The following GALNTL6 variants were observed in gnomAD, a reference collection of about 807,000 sequenced individuals.
The protein encoded by GALNTL6 is polypeptide N-acetylgalactosaminyltransferase like 6.
In GALNTL6, 46 loss-of-function variants were observed where a neutral mutation model predicts 73.7. That is an observed-to-expected ratio of 0.62 (90% CI 0.49 to 0.80). The LOEUF (loss-of-function observed/expected upper bound fraction) is 0.80. Ranked by LOEUF, GALNTL6 falls within the 30% of genes least tolerant of loss-of-function variation. The probability of loss-of-function intolerance (pLI) is 0.00; values close to 1 mark genes in which losing one functional copy is unlikely to be tolerated. For synonymous variants in GALNTL6, 259 were observed against 263.7 expected, an observed-to-expected ratio of 0.98 and a Z score of 0.17; for missense variants, 604 against 755.0, an observed-to-expected ratio of 0.80 and a Z score of 2.34.
intron 8 of GALNTL6, among the ~76,000 whole-genome samples, chr4:172,915,153 G>A (rs1441673749): frequency 1.3e-5 from 2 of 152,050 alleles, no homozygotes; most frequent in East Asian, 1.9e-4. Context: ...ATGACTACTG[G>A]GTACATAATG....
chr4:172,629,651 A>G (rs902098967), intron 5 of GALNTL6, among the ~76,000 whole-genome samples: 2 of 152,218 alleles, frequency 1.3e-5, no homozygotes, highest in African/African-American at 4.8e-5. Flanking sequence ...TGCTGCTTAT[A>G]CACCAACCAT....
chr4:172,242,043 C>CAA (rs535664550), intron 3 of GALNTL6, among the ~76,000 whole-genome samples: 225 of 152,088 alleles, frequency 1.5e-3, no homozygotes, highest in African/African-American at 5.3e-3. Context: ...ATTCAATATA[C>CAA]ATTGAGTATA....
intron 2 of GALNTL6, among the ~76,000 whole-genome samples, chr4:172,098,612 T>C (rs2110955841): frequency 6.6e-6 from 1 of 152,314 alleles, no homozygotes; most frequent in Non-Finnish European, 1.5e-5. Context: ...ATTTGTGTTT[T>C]GTAAGGACTA....
intron 5 of GALNTL6, among the ~76,000 whole-genome samples, chr4:172,638,455 A>G (rs1739799928): frequency 6.6e-6 from 1 of 152,034 alleles, no homozygotes; most frequent in Non-Finnish European, 1.5e-5. Flanking sequence ...TGAAGACCCC[A>G]CAATTGCATG....
intron 7 of GALNTL6, among the ~76,000 whole-genome samples, chr4:172,824,425 C>T (rs1223276732): frequency 6.7e-6 from 1 of 150,212 alleles, no homozygotes; most frequent in Non-Finnish European, 1.5e-5. Flanking sequence ...TGTGTGTGTG[C>T]ACATATATGT....
At chr4:172,166,125 G>C (rs1327853058) in intron 2 of GALNTL6, among the ~76,000 whole-genome samples, 1 of 152,126 alleles carries the variant, frequency 6.6e-6, no homozygotes, top group Non-Finnish European at 1.5e-5. Flanking sequence ...TGAAAATAGA[G>C]GATTATGGTA....
intron 2 of GALNTL6, among the ~76,000 whole-genome samples, chr4:172,222,413 T>G (rs532464924): frequency 8.3e-4 from 127 of 152,108 alleles, no homozygotes; most frequent in Middle Eastern, 3.4e-3. Context: ...TAAGGAAATA[T>G]GTATAATAAA....
At chr4:172,925,140 G>T (rs374215988) in intron 8 of GALNTL6, among the ~76,000 whole-genome samples, 1 of 151,472 alleles carries the variant, frequency 6.6e-6, no homozygotes, top group East Asian at 1.9e-4. Flanking sequence ...CCAAAGTGCT[G>T]GGATTACAGG....
rs541026420 is a variant in GALNTL6, at chr4:172,395,598, A to G, written c.553+46909A>G. On this transcript the variant is annotated intron_variant, in intron 5 of 12. Transcript: ENST00000506823. ...AAAATAAAATATATTCTGAGATATC[A>G]GACCTTTGACGAAAGGATTGACCAT... is the stretch of plus-strand genomic sequence containing the variant. 2.0e-5 allele frequency among the ~76,000 whole-genome samples: 3 copies of G among 152,232 alleles called. No individual in the cohort carries two copies. In the East Asian group the frequency reaches 5.8e-4, roughly 29 times the overall value.
intron 2 of GALNTL6, among the ~76,000 whole-genome samples, chr4:171,906,291 A>G (rs1303691961): frequency 2.0e-5 from 3 of 151,324 alleles, no homozygotes; most frequent in African/African-American, 7.4e-5. Context: ...AATAGACGCA[A>G]TAAAAAATGA....
chr4:171,912,653 T>C (rs1737509141), intron 2 of GALNTL6, among the ~76,000 whole-genome samples: 3 of 152,026 alleles, frequency 2.0e-5, no homozygotes, highest in African/African-American at 7.3e-5. Context: ...GCTTAATCCT[T>C]CTAACTGGTT....
At chr4:172,672,351 A>G (rs1233987225) in intron 5 of GALNTL6, among the ~76,000 whole-genome samples, 1 of 152,256 alleles carries the variant, frequency 6.6e-6, no homozygotes. Flanking sequence ...GCATCCAGGA[A>G]TAAAGCCTAC....
chr4:172,318,639 T>G (rs1740650627), intron 4 of GALNTL6, among the ~76,000 whole-genome samples: 1 of 151,646 alleles, frequency 6.6e-6, no homozygotes. Context: ...GAGGCAGAGG[T>G]TGCAGTGAGC....
intron 2 of GALNTL6, among the ~76,000 whole-genome samples, chr4:171,961,153 G>A (rs1579009493): frequency 1.3e-5 from 2 of 152,218 alleles, no homozygotes; most frequent in African/African-American, 4.8e-5. Flanking sequence ...CTCCAATTGT[G>A]TCCCAAAGTC....
chr4:172,450,381 C>G (rs1268974162), intron 5 of GALNTL6, among the ~76,000 whole-genome samples: 1 of 151,722 alleles, frequency 6.6e-6, no homozygotes, highest in African/African-American at 2.4e-5. Flanking sequence ...TGTGGTCTAT[C>G]AACAAGCCCC....
rs542393443 is a variant in GALNTL6, at chr4:172,640,746, C to G, written c.554-168615C>G. Among the ~76,000 whole-genome samples, 15 of 152,144 alleles carry G rather than the reference C, an allele frequency of 9.9e-5. No individual in the cohort carries two copies. In the South Asian group the frequency reaches 3.1e-3, roughly 31 times the overall value. ...TTAAGCTAAACACCTTTTTGAAGGCCCTGCCTCCAAAGGTAGTCATATTCT... is the reference window on the plus strand; with the variant it reads ...TTAAGCTAAACACCTTTTTGAAGGCGCTGCCTCCAAAGGTAGTCATATTCT... On this transcript the variant is annotated intron_variant, in intron 5 of 12. Transcript: ENST00000506823.
At chr4:172,867,167 G>A (rs1744704104) in intron 7 of GALNTL6, among the ~76,000 whole-genome samples, 1 of 152,182 alleles carries the variant, frequency 6.6e-6, no homozygotes, top group African/African-American at 2.4e-5. Flanking sequence ...AAGAATAAAA[G>A]AGGGTGCTAT....
chr4:172,540,716 T>C (rs941443516), intron 5 of GALNTL6, among the ~76,000 whole-genome samples: 4 of 152,032 alleles, frequency 2.6e-5, no homozygotes, highest in Non-Finnish European at 5.9e-5. Flanking sequence ...CATAGGTGGG[T>C]TTTAAGGATT....
intron 3 of GALNTL6, among the ~76,000 whole-genome samples, chr4:172,300,584 A>C (rs1263368631): frequency 2.0e-5 from 3 of 152,132 alleles, no homozygotes; most frequent in African/African-American, 7.2e-5. Context: ...AAAATCTGTC[A>C]GCATTTGCTT....
Sources: gnomAD v4.1 joint callset for allele counts (sites outside exome capture counted in the v4.1 genomes callset) on GRCh38, gnomAD v4.1.1 for gene constraint, MANE v1.5 for transcripts, NCBI Gene and HGNC (gene_info 2026-07-23, HGNC 2026-07-21) for gene names.